PPP2R2B: variants seen among roughly 807,000 people sequenced by gnomAD.
PPP2R2B encodes the protein serine/threonine-protein phosphatase 2A 55 kDa regulatory subunit B beta isoform.
Under a neutral mutation model 46.0 loss-of-function variants are expected in PPP2R2B, and 5 were observed. That is an observed-to-expected ratio of 0.11 (90% confidence interval 0.06 to 0.23). The LOEUF is 0.23. PPP2R2B is among the 10% of genes least tolerant of loss of function. The pLI is 1.00. For missense variants in PPP2R2B, 367 were observed against 575.0 expected (o/e 0.64, Z 3.70); for synonymous variants, 215 against 206.7 (o/e 1.04, Z -0.34).
In PPP2R2B at chr5:146,590,066, T is replaced by C. The variant is rs756684891; in HGVS notation, c.1213A>G (p.Ser405Gly). 38 of 1,614,016 alleles carry C rather than the reference T, an allele frequency of 2.4e-5. No individual in the cohort carries two copies. Among genetic ancestry groups the C allele is most frequent in the Non-Finnish European group, 3.0e-5 (35 of 1,180,044 alleles). Residue 405 changes from serine to glycine, a missense_variant, in exon 10 of 10, where the codon AGT (serine) becomes GGT (glycine). By Grantham distance (56) the Ser-to-Gly change is moderately conservative. This residue lies in a region of PPP2R2B where 361 missense variants were observed against 545.5 expected (regional missense o/e 0.66). Transcript: ENST00000394411. ...VGGKRRKDEI[S>G]VDSLDFSKKI... ...TTGCTAAAGTCCAGACTGTCGACAC[T>C]GATCTCGTCTTTTCTCCGCTTGCCC...
intron 2 of PPP2R2B, among the ~76,000 whole-genome samples, chr5:146,725,056 ATTC>A (rs1751774792): frequency 6.6e-6 from 1 of 152,142 alleles, no homozygotes; most frequent in African/African-American, 2.4e-5. Flanking sequence ...GCGATCAATA[ATTC>A]ATAGAAATTC....
intron 6 of PPP2R2B, among the ~76,000 whole-genome samples, chr5:146,649,863 C>T (rs1377926123): frequency 1.3e-5 from 2 of 152,042 alleles, no homozygotes; most frequent in Non-Finnish European, 2.9e-5. Context: ...ATGATGGGGG[C>T]TTGAGAATTG....
intron 1 of PPP2R2B, among the ~76,000 whole-genome samples, chr5:147,033,514 G>T (rs558408597): frequency 6.6e-6 from 1 of 152,298 alleles, no homozygotes; most frequent in East Asian, 1.9e-4. Context: ...AACCCGAGAA[G>T]ATACTCATAG....
chr5:146,693,194 C>G (rs1393662940), intron 4 of PPP2R2B, among the ~76,000 whole-genome samples: 2 of 151,006 alleles, frequency 1.3e-5, no homozygotes, highest in Non-Finnish European at 3.0e-5. Flanking sequence ...CCCTTCCTCT[C>G]TCCTTTCTTC....
At chr5:146,972,869 GT>G (rs1295250239) in intron 1 of PPP2R2B, among the ~76,000 whole-genome samples, 5 of 151,924 alleles carry the variant, frequency 3.3e-5, no homozygotes, top group African/African-American at 1.2e-4. Context: ...TCTTATTTTT[GT>G]CAGTTGTTAT....
chr5:146,856,924 A>G (rs1247385804), intron 2 of PPP2R2B, among the ~76,000 whole-genome samples: 1 of 152,148 alleles, frequency 6.6e-6, no homozygotes, highest in African/African-American at 2.4e-5. Flanking sequence ...GACCTATTCT[A>G]AGCTTGAGGG....
chr5:146,955,677 G>A (rs1441731626), intron 1 of PPP2R2B, among the ~76,000 whole-genome samples: 1 of 151,956 alleles, frequency 6.6e-6, no homozygotes, highest in East Asian at 1.9e-4. Flanking sequence ...CAGAGTGCAG[G>A]TGTCCTGATT....
At chr5:146,691,034 A>G in intron 5 of PPP2R2B, 94 bp downstream of exon 5, 3 of 1,054,646 alleles carry the variant, frequency 2.8e-6, no homozygotes, top group Non-Finnish European at 4.2e-6. Context: ...TCACTGGCCC[A>G]TTATAGTTGC....
chr5:146,925,415 A>C (rs973286128), intron 1 of PPP2R2B, among the ~76,000 whole-genome samples: 7 of 152,118 alleles, frequency 4.6e-5, no homozygotes, highest in African/African-American at 1.7e-4. Flanking sequence ...TTAGATACAG[A>C]ATTCTTGTTT....
chr5:147,039,036 C>G (rs1023628426), intron 1 of PPP2R2B, among the ~76,000 whole-genome samples: 6 of 152,148 alleles, frequency 3.9e-5, no homozygotes, highest in Non-Finnish European at 8.8e-5. Flanking sequence ...TCCTTGAATA[C>G]TACATTGAAT....
chr5:147,011,997 T>C (rs1252938137), intron 1 of PPP2R2B, among the ~76,000 whole-genome samples: 1 of 147,292 alleles, frequency 6.8e-6, no homozygotes. Context: ...TTATTGAGGA[T>C]TTTTGCATCA....
intron 1 of PPP2R2B, among the ~76,000 whole-genome samples, chr5:147,051,629 T>C (rs767630743): frequency 1.3e-5 from 2 of 151,884 alleles, no homozygotes; most frequent in African/African-American, 2.4e-5. Flanking sequence ...AAAGAAAGCG[T>C]CCCTACTGAT....
chr5:146,932,639 T>C (rs1764005868), intron 1 of PPP2R2B, among the ~76,000 whole-genome samples: 1 of 152,154 alleles, frequency 6.6e-6, no homozygotes, highest in Admixed American at 6.6e-5. Context: ...TTACAAAGTG[T>C]TGGGTATGTC....
chr5:146,983,060 T>C (rs1753248014), intron 1 of PPP2R2B, among the ~76,000 whole-genome samples: 1 of 152,008 alleles, frequency 6.6e-6, no homozygotes, highest in Non-Finnish European at 1.5e-5. Flanking sequence ...TTTAAATCTC[T>C]CATTTTATTT....
At chr5:146,919,118 A>G (rs141284379) in intron 1 of PPP2R2B, among the ~76,000 whole-genome samples, 3 of 152,254 alleles carry the variant, frequency 2.0e-5, no homozygotes, top group Non-Finnish European at 4.4e-5. Flanking sequence ...GCCCAAAGAC[A>G]TAATTAGCAT....
chr5:146,846,689 T>G (rs200983458), intron 2 of PPP2R2B, among the ~76,000 whole-genome samples: 1 of 151,840 alleles, frequency 6.6e-6, no homozygotes, highest in Admixed American at 6.6e-5. Context: ...AAAAAAAAAA[T>G]TAATTTTATC....
chr5:146,873,270 T>G (rs1761716168), intron 2 of PPP2R2B, among the ~76,000 whole-genome samples: 1 of 152,068 alleles, frequency 6.6e-6, no homozygotes, highest in Non-Finnish European at 1.5e-5. Flanking sequence ...TCTCTCCATC[T>G]CTACTGATGC....
chr5:146,633,383 C>T (rs1335975681), intron 7 of PPP2R2B, among the ~76,000 whole-genome samples: 1 of 152,208 alleles, frequency 6.6e-6, no homozygotes, highest in Admixed American at 6.5e-5. Flanking sequence ...CTCGGCTGAA[C>T]TGCGGTTGAC....
chr5:146,940,010 A>G, intron 1 of PPP2R2B, among the ~76,000 whole-genome samples: 1 of 152,100 alleles, frequency 6.6e-6, no homozygotes, highest in East Asian at 1.9e-4. Flanking sequence ...ATCTACCTAC[A>G]CCTATTTTTT....
Sources: gnomAD v4.1 joint callset for allele counts (sites outside exome capture counted in the v4.1 genomes callset) on GRCh38, gnomAD v4.1.1 for gene constraint, gnomAD v4.1.1 regional missense constraint, MANE v1.5 for transcripts, NCBI Gene and HGNC (gene_info 2026-07-23, HGNC 2026-07-21) for gene names.